GRB10: variants seen among roughly 807,000 people sequenced by gnomAD.
The protein encoded by GRB10 is growth factor receptor-bound protein 10.
A neutral mutation model predicts 80.9 loss-of-function variants in GRB10; 20 were observed. The observed-to-expected ratio is 0.25, with a 90% CI of 0.17 to 0.36. The LOEUF (loss-of-function observed/expected upper bound fraction) is 0.36, where lower values mean the gene tolerates loss of function less well. GRB10 is among the 10% of genes least tolerant of loss of function. The pLI, the probability that GRB10 is intolerant of heterozygous loss-of-function variation, is 1.00. For synonymous variants in GRB10, 291 were observed against 291.5 expected (o/e 1.00, Z 0.02); for missense variants, 548 against 747.7 (o/e 0.73, Z 3.12).
intron 4 of GRB10, chr7:50,705,110 T>A (rs2064853721): frequency 3.1e-6 from 3 of 980,854 alleles, no homozygotes; most frequent in Non-Finnish European, 3.6e-6. Context: ...ATGGGATGGA[T>A]GCTCACTTCT....
chr7:50,597,779 A>T (rs1011590890), intron 17 of GRB10, among the ~76,000 whole-genome samples: 4 of 152,228 alleles, frequency 2.6e-5, no homozygotes, highest in Non-Finnish European at 4.4e-5. Context: ...CATCAGCAGG[A>T]ATCCTGGATA....
intron 11 of GRB10, among the ~76,000 whole-genome samples, 164 bp from the exon 12 acceptor site, chr7:50,615,044 A>G (rs191683195): frequency 2.6e-4 from 40 of 152,278 alleles, no homozygotes; most frequent in African/African-American, 9.4e-4. Flanking sequence ...GTGCTAAACT[A>G]AAACCAAATT....
At chr7:50,765,545 AAAGACAT>A (rs1236971194) in intron 2 of GRB10, among the ~76,000 whole-genome samples, 1 of 152,230 alleles carries the variant, frequency 6.6e-6, no homozygotes, top group East Asian at 1.9e-4. Flanking sequence ...ACAGGCATAG[AAAGACAT>A]ATGACATGTT....
At chr7:50,778,202 T>C (rs1199991030) in intron 2 of GRB10, among the ~76,000 whole-genome samples, 8 of 152,250 alleles carry the variant, frequency 5.3e-5, no homozygotes, top group African/African-American at 1.9e-4. Context: ...TAATACATTG[T>C]GGCACACAAA....
chr7:50,783,807 G>A (rs763776507), upstream of GRB10, among the ~76,000 whole-genome samples: 6 of 152,312 alleles, frequency 3.9e-5, no homozygotes, highest in South Asian at 2.1e-4. Context: ...GGGGCAGGGC[G>A]CTGGGAAAAC....
chr7:50,661,314 T>C (rs1344334072), intron 7 of GRB10, among the ~76,000 whole-genome samples: 3 of 152,230 alleles, frequency 2.0e-5, no homozygotes, highest in Non-Finnish European at 4.4e-5. Context: ...AGAAAATTAA[T>C]TTTTAAAATT....
intron 17 of GRB10, among the ~76,000 whole-genome samples, chr7:50,603,578 T>G (rs181818426): frequency 6.6e-6 from 1 of 152,308 alleles, no homozygotes; most frequent in Admixed American, 6.5e-5. Flanking sequence ...CAACCAACAA[T>G]GATACGTAAT....
intron 4 of GRB10, among the ~76,000 whole-genome samples, chr7:50,726,397 C>G (rs183318046): frequency 6.8e-6 from 1 of 147,468 alleles, no homozygotes; most frequent in African/African-American, 2.5e-5. Context: ...GACTCTGTCT[C>G]AAAAAAAACA....
intron 3 of GRB10, among the ~76,000 whole-genome samples, chr7:50,749,526 C>T: frequency 6.6e-6 from 1 of 152,190 alleles, no homozygotes; most frequent in East Asian, 1.9e-4. Flanking sequence ...CTACTCTGGC[C>T]ACACTCATCC....
At chr7:50,612,699 G>C in intron 13 of GRB10, 42 bp downstream of exon 13, 1 of 1,378,740 alleles carries the variant, frequency 7.3e-7, no homozygotes, top group Non-Finnish European at 1.0e-6. Flanking sequence ...AATTTTCCAC[G>C]AAGAGATGTG....
chr7:50,733,993 G>A (rs979190341), intron 3 of GRB10, among the ~76,000 whole-genome samples: 4 of 152,112 alleles, frequency 2.6e-5, no homozygotes, highest in African/African-American at 9.7e-5. Flanking sequence ...CTGCTCTGCA[G>A]ATTTCAAACT....
intron 3 of GRB10, among the ~76,000 whole-genome samples, chr7:50,747,318 C>A (rs4947836): frequency 6.6e-6 from 1 of 152,026 alleles, no homozygotes. Flanking sequence ...CGAAGCAGAG[C>A]AGGTCCCCAC....
intron 3 of GRB10, among the ~76,000 whole-genome samples, chr7:50,748,813 G>C (rs566931185): frequency 3.9e-5 from 6 of 152,266 alleles, no homozygotes; most frequent in Middle Eastern, 3.4e-3. Flanking sequence ...TAAAACAATC[G>C]AATTTCATGG....
intron 2 of GRB10, among the ~76,000 whole-genome samples, chr7:50,760,216 T>C (rs1444759553): frequency 6.6e-6 from 1 of 152,160 alleles, no homozygotes; most frequent in Non-Finnish European, 1.5e-5. Context: ...TAAATATACA[T>C]GCACACATGC....
At chr7:50,650,984 T>C (rs2057940026) in intron 7 of GRB10, among the ~76,000 whole-genome samples, 2 of 152,232 alleles carry the variant, frequency 1.3e-5, no homozygotes, top group South Asian at 4.1e-4. Context: ...TAACATTTGA[T>C]TTACAGCATT....
In GRB10 at chr7:50,635,074, G is replaced by A. The variant is rs114196431; in HGVS notation, c.505-8096C>T. ...TTATAGAACATGCTACCCAGCACCT[G>A]CAGAATATACATTTTTCTCATCTGC... is the stretch of plus-strand genomic sequence containing the variant. On this transcript the variant is annotated intron_variant, in intron 7 of 18. Coordinates refer to ENST00000401949, the MANE Select transcript of GRB10 (RefSeq NM_001350814.2). 3.6e-3 allele frequency among the ~76,000 whole-genome samples: 468 copies of A among 128,910 alleles called. 2 individuals carry two copies. Among genetic ancestry groups the A allele is most frequent in the African/African-American group, 0.013 (443 of 34,884 alleles). 84.6% of individuals were successfully genotyped at this position (128,910 alleles called of 152,430 possible).
At chr7:50,661,748 G>A (rs1302525536) in intron 7 of GRB10, among the ~76,000 whole-genome samples, 1 of 152,108 alleles carries the variant, frequency 6.6e-6, no homozygotes, top group Non-Finnish European at 1.5e-5. Flanking sequence ...GGGTCAGTGC[G>A]CCCCACATGT....
At chr7:50,758,802 G>C (rs1276142658) in intron 2 of GRB10, among the ~76,000 whole-genome samples, 1 of 152,170 alleles carries the variant, frequency 6.6e-6, no homozygotes, top group Non-Finnish European at 1.5e-5. Flanking sequence ...AAATAGAATG[G>C]AATTAAAAGG....
chr7:50,618,611 G>A (rs1585770596), intron 9 of GRB10, among the ~76,000 whole-genome samples: 1 of 152,234 alleles, frequency 6.6e-6, no homozygotes, highest in Non-Finnish European at 1.5e-5. Context: ...CTCCCCAGTT[G>A]ATGCAGCTCT....
Sources: allele counts gnomAD v4.1 joint callset (sites outside exome capture counted in the v4.1 genomes callset), GRCh38; gene constraint gnomAD v4.1.1; transcripts MANE v1.5; gene names NCBI Gene and HGNC (gene_info 2026-07-23, HGNC 2026-07-21).